The following LAMA1 variants were observed in gnomAD, a reference collection of about 807,000 sequenced individuals.
The protein encoded by LAMA1 is laminin subunit alpha 1, also known as laminin subunit alpha-1.
LAMA1 carries 219 observed loss-of-function variants against 348.7 expected under a neutral mutation model. The observed-to-expected ratio is 0.63, with a 90% CI of 0.56 to 0.70. The LOEUF (loss-of-function observed/expected upper bound fraction) is 0.70, where lower values mean the gene tolerates loss of function less well. LAMA1 is among the 30% of genes least tolerant of loss of function. The pLI is 0.00. For synonymous variants in LAMA1, 1,487 were observed against 1,491.0 expected (o/e 1.00, Z 0.06); for missense variants, 3,744 against 3,888.0 (o/e 0.96, Z 0.99).
chr18:7,106,929 G>A (rs544791962), intron 1 of LAMA1, among the ~76,000 whole-genome samples: 2 of 151,960 alleles, frequency 1.3e-5, no homozygotes, highest in South Asian at 2.1e-4. Context: ...AGCTGACCCC[G>A]CACCTCCAAT....
chr18:7,116,712 T>A (rs928102930), intron 1 of LAMA1, among the ~76,000 whole-genome samples: 1 of 152,226 alleles, frequency 6.6e-6, no homozygotes, highest in Admixed American at 6.5e-5. Flanking sequence ...GAAGCCACGC[T>A]GCGAAGACAG....
At chr18:7,008,055 C>T (rs1447916798) in intron 28 of LAMA1, among the ~76,000 whole-genome samples, 1 of 152,070 alleles carries the variant, frequency 6.6e-6, no homozygotes, top group Non-Finnish European at 1.5e-5. Flanking sequence ...GCCTCAGCCT[C>T]CTGAGTAGCT....
At chr18:7,114,530 G>A (rs1221120786) in intron 1 of LAMA1, among the ~76,000 whole-genome samples, 1 of 152,074 alleles carries the variant, frequency 6.6e-6, no homozygotes, top group East Asian at 1.9e-4. Context: ...TGCTTGTTGA[G>A]GGTTAACTCT....
At chr18:7,111,699 C>T (rs2058336727) in intron 1 of LAMA1, among the ~76,000 whole-genome samples, 1 of 152,152 alleles carries the variant, frequency 6.6e-6, no homozygotes, top group Admixed American at 6.5e-5. Context: ...TCCATGGATG[C>T]ATATTGATAT....
intron 18 of LAMA1, among the ~76,000 whole-genome samples, chr18:7,023,883 G>A (rs2057930416): frequency 6.6e-6 from 1 of 152,114 alleles, no homozygotes; most frequent in South Asian, 2.1e-4. Flanking sequence ...CTGTCTCCTA[G>A]GCTGGAGTGC....
chr18:7,096,784 C>T (rs571992776), intron 1 of LAMA1, among the ~76,000 whole-genome samples: 19 of 152,232 alleles, frequency 1.2e-4, no homozygotes, highest in African/African-American at 4.3e-4. Flanking sequence ...TGTAAGTGAA[C>T]AAAGTTTTCA....
At chr18:7,116,031 G>A (rs1228921010) in intron 1 of LAMA1, among the ~76,000 whole-genome samples, 1 of 152,066 alleles carries the variant, frequency 6.6e-6, no homozygotes, top group African/African-American at 2.4e-5. Context: ...TTGGTGGGGT[G>A]CGGAAGGCAA....
Position 7,034,604 on chromosome 18 carries a change from A to G in LAMA1, c.1926T>C (p.Pro642=), listed in dbSNP as rs1448946703. 1 of 1,614,216 alleles carries G rather than the reference A, an allele frequency of 6.2e-7. No homozygotes were observed. Among genetic ancestry groups the G allele is most frequent in the Non-Finnish European group, 8.5e-7 (1 of 1,180,024 alleles). Residue 642 remains proline (P), a synonymous_variant, in exon 14 of 63, where the codon CCT becomes CCC. Coordinates refer to ENST00000389658, the MANE Select transcript of LAMA1 (RefSeq NM_005559.4). ...TGCTGTGAAAATCTTGGAAGTTTTC[A>G]GGCACAAGTCTAACCACGTTTAGGT... is the stretch of plus-strand genomic sequence containing the variant. ...EEYLNVVRLV[P]ENFQDFHSKR... is the part of the protein sequence containing the mutation.
chr18:6,983,758 TC>T (rs2057722582), intron 39 of LAMA1, among the ~76,000 whole-genome samples: 1 of 152,214 alleles, frequency 6.6e-6, no homozygotes, highest in Admixed American at 6.5e-5. Context: ...TTAACATCAT[TC>T]TAACAAGTGG....
rs537051366 is a variant in LAMA1 at position 7,093,014 on chromosome 18, C to T, written c.62-12557G>A. On this transcript the variant is annotated intron_variant, in intron 1 of 62. Transcript: ENST00000389658. ...ATGTGGTCTTTAAAAAGGACGCAAGCAACATAAAGTATACCGAATTGAGGA... is the reference window on the plus strand; with the variant it reads ...ATGTGGTCTTTAAAAAGGACGCAAGTAACATAAAGTATACCGAATTGAGGA... 4.6e-5 allele frequency among the ~76,000 whole-genome samples: 7 copies of T among 152,294 alleles called. No individual in the cohort carries two copies. The South Asian group carries it at 1.2e-3, about 27-fold the overall frequency.
In LAMA1 at chr18:6,999,985, A is replaced by G. The variant is rs532518669; in HGVS notation, c.4395T>C (p.Thr1465=). The G allele has an allele frequency of 7.4e-6, 12 of 1,613,530 alleles. No homozygotes were observed. In the East Asian group the frequency reaches 1.8e-4, roughly 24 times the overall value. ...PHSPPASFSP[T]CVLEGDHDFR... The stretch of plus-strand genomic sequence containing the variant: ...AATCGTGGTCCCCTTCCAAGACACA[A>G]GTGGGACTAAAACTGGAGGAAAAGA... The change falls in exon 31 of 63, where the codon ACT becomes ACC. Residue 1465 remains threonine, a synonymous_variant. Transcript: ENST00000389658.
At position 6,995,444 on chromosome 18, in the gene LAMA1, T is replaced by C. The variant is rs760394487; in HGVS notation, c.4809A>G (p.Glu1603=). The part of the protein sequence containing the change: ...NLENTTKYLQ[E]SLLKENMQKD... ...TTTGCATATTTTCTTTTAATAAAGA[T>C]TCCTAGGAAGAATGGAGGAAACAAA... The change falls in exon 34 of 63, where the codon GAA becomes GAG. Residue 1603 remains glutamate (E), a splice_region_variant and synonymous_variant. Transcript: ENST00000389658. 5 of 1,561,440 alleles carry C rather than the reference T, an allele frequency of 3.2e-6. No individual in the cohort carries two copies. Among genetic ancestry groups the C allele is most frequent in the Non-Finnish European group, 4.4e-6 (5 of 1,132,102 alleles).
chr18:7,026,049 C>A lies in LAMA1; in HGVS notation c.2332G>T (p.Gly778Trp), dbSNP rs758289965. The A allele has an allele frequency of 2.5e-6, 4 of 1,609,808 alleles. No homozygotes were observed. The African/African-American group carries it at 5.3e-5, about 22-fold the overall frequency. The change falls in exon 17 of 63, where the codon GGG becomes TGG. Residue 778 changes from glycine to tryptophan, a missense_variant. Physicochemically the swap from Gly to Trp is radical, Grantham distance 184. This residue lies in a region of LAMA1 where 1,529 missense variants were observed against 1,689.4 expected (regional missense o/e 0.91). Coordinates refer to ENST00000389658, the MANE Select transcript of LAMA1 (RefSeq NM_005559.4). ...HCEQCLPGFY[G>W]EPSRGTPGDC... Reference sequence around the variant, plus strand: ...CCAGGTGTCCCTCGGGAAGGCTCCCCGTAGAAGCCGGGCAAGCACTGCTCA... The same window carrying A: ...CCAGGTGTCCCTCGGGAAGGCTCCCAGTAGAAGCCGGGCAAGCACTGCTCA...
chr18:6,980,824 A>G (rs562300053), intron 41 of LAMA1, among the ~76,000 whole-genome samples, 187 bp from the exon 42 acceptor site: 84 of 152,250 alleles, frequency 5.5e-4, no homozygotes, highest in African/African-American at 1.8e-3. Context: ...GCCAGGCGCG[A>G]TGGCTCACGC....
intron 1 of LAMA1, among the ~76,000 whole-genome samples, chr18:7,105,441 A>AAAAT (rs762965770): frequency 0.032 from 4,622 of 144,318 alleles, 79 homozygotes; most frequent in East Asian, 0.063. Context: ...TTCATCTCAA[A>AAAAT]AAATAAATAA....
intron 1 of LAMA1, among the ~76,000 whole-genome samples, chr18:7,087,346 G>A (rs1222348409): frequency 1.3e-5 from 2 of 152,160 alleles, no homozygotes; most frequent in East Asian, 3.9e-4. Context: ...GCACTGGCAG[G>A]AAAGTTGCTC....
chr18:6,969,750 C>T (rs75442812), intron 48 of LAMA1, among the ~76,000 whole-genome samples: 2,660 of 152,194 alleles, frequency 0.017, 33 homozygotes, highest in African/African-American at 0.033. Context: ...ATCTTTGACC[C>T]AAAGGTCCAG....
chr18:7,098,248 T>C (rs1265450701), intron 1 of LAMA1, among the ~76,000 whole-genome samples: 1 of 150,558 alleles, frequency 6.6e-6, no homozygotes, highest in African/African-American at 2.5e-5. Flanking sequence ...GTGCCGAGAT[T>C]GCAGCCTCTG....
intron 1 of LAMA1, among the ~76,000 whole-genome samples, chr18:7,087,649 G>A (rs1398978404): frequency 6.6e-6 from 1 of 152,184 alleles, no homozygotes; most frequent in African/African-American, 2.4e-5. Context: ...ATATCAATAT[G>A]TATTTGGATT....
Sources: allele counts gnomAD v4.1 joint callset (sites outside exome capture counted in the v4.1 genomes callset), GRCh38; gene constraint gnomAD v4.1.1; regional missense constraint gnomAD v4.1.1; transcripts MANE v1.5; gene names NCBI Gene and HGNC (gene_info 2026-07-23, HGNC 2026-07-21).